Variants in PCDH11Y observed in about 807,000 individuals in gnomAD.
PCDH11Y encodes protocadherin-11 Y-linked.
For synonymous variants in PCDH11Y, 9 were observed against 83.6 expected (o/e 0.11, Z 4.87); for missense variants, 12 against 224.8 (o/e 0.05, Z 6.05).
intron 2 of PCDH11Y, among the ~76,000 whole-genome samples, chrY:5,306,287 AACACACACAC>A (rs535976345): frequency 3.5e-5 from 1 of 28,207 alleles, no homozygotes. Context: ...CTGAGCCAAT[AACACACACAC>A]ACACACACAC....
chrY:5,378,975 G>C (rs1206317419), intron 2 of PCDH11Y, among the ~76,000 whole-genome samples: 272 of 32,953 alleles, frequency 8.3e-3, no homozygotes, highest in Middle Eastern at 0.043. Context: ...AGCCATAAAT[G>C]AGCAGGCTAA....
chrY:5,736,850 CTA>C (rs2124715827), intron 4 of PCDH11Y, among the ~76,000 whole-genome samples: 1 of 32,314 alleles, frequency 3.1e-5, no homozygotes, highest in East Asian at 8.0e-4. Context: ...TATTAGCTAA[CTA>C]TTTTTTAGCT....
chrY:5,114,588 A>C, intron 2 of PCDH11Y: 1 of 41,256 alleles, frequency 2.4e-5, no homozygotes, highest in Middle Eastern at 9.4e-3. Flanking sequence ...CCCGGGTTCA[A>C]GCAATTTCAG....
At chrY:5,002,185 G>T in intron 1 of PCDH11Y, among the ~76,000 whole-genome samples, 1 of 31,731 alleles carries the variant, frequency 3.2e-5, no homozygotes, top group Non-Finnish European at 7.7e-5. Flanking sequence ...ACGAAGAAAA[G>T]TGTGTGGAAG....
At chrY:5,509,878 C>T in intron 3 of PCDH11Y, among the ~76,000 whole-genome samples, 1 of 29,702 alleles carries the variant, frequency 3.4e-5, no homozygotes, top group African/African-American at 1.3e-4. Flanking sequence ...TGGCCGGGCA[C>T]GGTGGCTCAT....
At chrY:5,439,119 A>T in intron 2 of PCDH11Y, among the ~76,000 whole-genome samples, 2 of 32,891 alleles carry the variant, frequency 6.1e-5, no homozygotes, top group Non-Finnish European at 1.5e-4. Flanking sequence ...AAAGGACACG[A>T]TCTCTTTCTT....
At chrY:5,421,297 T>C in intron 2 of PCDH11Y, among the ~76,000 whole-genome samples, 1 of 29,156 alleles carries the variant, frequency 3.4e-5, no homozygotes, top group African/African-American at 1.4e-4. Flanking sequence ...CAGGACCAGA[T>C]GTGTTTACTG....
At chrY:5,500,906 G>A in intron 2 of PCDH11Y, 151 bp from the exon 4 acceptor site, 1 of 258,853 alleles carries the variant, frequency 3.9e-6, no homozygotes, top group Non-Finnish European at 5.9e-6. Flanking sequence ...ACAGAATTGT[G>A]TTATTCACAA....
intron 4 of PCDH11Y, among the ~76,000 whole-genome samples, chrY:5,715,169 C>G (rs2053589206): frequency 3.0e-5 from 1 of 33,646 alleles, no homozygotes; most frequent in African/African-American, 1.2e-4. Context: ...CCTGTTTATC[C>G]CAATCTGTCT....
chrY:5,242,932 C>T (rs2052990244), intron 2 of PCDH11Y, among the ~76,000 whole-genome samples: 1 of 33,620 alleles, frequency 3.0e-5, no homozygotes, highest in Non-Finnish European at 7.4e-5. Flanking sequence ...ATGTATGTTG[C>T]TAAGTAGAGC....
At chrY:5,361,520 C>G in intron 2 of PCDH11Y, among the ~76,000 whole-genome samples, 1 of 25,590 alleles carries the variant, frequency 3.9e-5, no homozygotes, top group Non-Finnish European at 8.9e-5. Flanking sequence ...TCTAATAGGC[C>G]TGCAGGTTTT....
chrY:5,003,096 C>G (rs772774242), intron 1 of PCDH11Y, among the ~76,000 whole-genome samples: 9 of 34,483 alleles, frequency 2.6e-4, no homozygotes, highest in Non-Finnish European at 3.7e-4. Context: ...CAGCCCCCCC[C>G]CTTCCAGTCC....
At chrY:5,252,805 G>A in intron 2 of PCDH11Y, among the ~76,000 whole-genome samples, 1 of 28,370 alleles carries the variant, frequency 3.5e-5, no homozygotes, top group African/African-American at 1.4e-4. Context: ...AAAATTGGCA[G>A]AAACCTCTCC....
At chrY:5,423,152 T>C in intron 2 of PCDH11Y, among the ~76,000 whole-genome samples, 1 of 32,155 alleles carries the variant, frequency 3.1e-5, no homozygotes, top group African/African-American at 1.2e-4. Flanking sequence ...TATAAATTGC[T>C]AATAAGCATA....
intron 3 of PCDH11Y, among the ~76,000 whole-genome samples, chrY:5,577,864 G>A (rs112144210): frequency 2.1e-3 from 67 of 32,215 alleles, no homozygotes; most frequent in Non-Finnish European, 3.2e-3. Flanking sequence ...TAACGAGTGC[G>A]TTCTCAAGAG....
chrY:5,581,743 T>C, intron 3 of PCDH11Y, 32 bp from the exon 5 acceptor site: 1 of 267,762 alleles, frequency 3.7e-6, no homozygotes, highest in African/African-American at 7.8e-5. Context: ...AAAATATTTA[T>C]TGTGTTTAAC....
chrY:5,289,103 TAATAAATA>T, intron 2 of PCDH11Y, among the ~76,000 whole-genome samples: 1 of 31,772 alleles, frequency 3.1e-5, no homozygotes, highest in African/African-American at 1.2e-4. Context: ...AATAAATAAA[TAATAAATA>T]AATAAATAAA....
intron 2 of PCDH11Y, among the ~76,000 whole-genome samples, chrY:5,471,053 T>G: frequency 3.1e-5 from 1 of 32,193 alleles, no homozygotes; most frequent in African/African-American, 1.2e-4. Flanking sequence ...ATGATAAAAT[T>G]CAGTGAATCA....
chrY:5,395,582 A>C, intron 2 of PCDH11Y, among the ~76,000 whole-genome samples: 3 of 31,870 alleles, frequency 9.4e-5, no homozygotes, highest in Non-Finnish European at 2.3e-4. Flanking sequence ...AAGAGAGCTC[A>C]AAAAAAAATT....
Sources: allele counts gnomAD v4.1 joint callset (sites outside exome capture counted in the v4.1 genomes callset), GRCh38; gene constraint gnomAD v4.1.1; transcripts MANE v1.5; gene names NCBI Gene and HGNC (gene_info 2026-07-23, HGNC 2026-07-21).